The following PLSCR4 variants were observed in gnomAD, a reference collection of about 807,000 sequenced individuals.
PLSCR4 encodes the protein phospholipid scramblase 4.
In PLSCR4, 25 loss-of-function variants were observed where a neutral mutation model predicts 36.3. The observed-to-expected ratio is 0.69, with a 90% CI of 0.50 to 0.96. The LOEUF (loss-of-function observed/expected upper bound fraction) is 0.96. PLSCR4 is among the 40% of genes least tolerant of loss of function. PLSCR4 has a pLI of 0.00. For missense variants in PLSCR4, 408 were observed against 414.7 expected (o/e 0.98, Z 0.14); for synonymous variants, 122 against 132.9 (o/e 0.92, Z 0.56).
chr3:146,250,884 G>C (rs955183496), intron 1 of PLSCR4, 76 bp downstream of exon 1: 1 of 152,640 alleles, frequency 6.6e-6, no homozygotes. Flanking sequence ...CTCCCCTGAC[G>C]ACGCCCTCGG....
At position 146,195,175 on chromosome 3, in the gene PLSCR4, T is replaced by A. The variant is rs747645523; in HGVS notation, c.894A>T (p.Leu298=). ...DADHFDIHFP[L]DLDVKMKAMI... is the part of the protein sequence containing the mutation. ...TGGCTTTCATCTTCACATCCAGGTC[T>A]AGTGGGAAGTGAATGTCAAAATGGT... The change falls in exon 8 of 9, where the codon CTA becomes CTT. Residue 298 remains leucine, a synonymous_variant. Transcript: ENST00000354952. 1.2e-6 allele frequency: 2 copies of A among 1,613,784 alleles called. No homozygotes were observed. The highest frequency in any genetic ancestry group is 1.7e-6 in the Non-Finnish European group (2 of 1,179,722).
At chr3:146,233,251 T>C (rs1440845141) in intron 1 of PLSCR4, among the ~76,000 whole-genome samples, 1 of 152,120 alleles carries the variant, frequency 6.6e-6, no homozygotes, top group Admixed American at 6.6e-5. Flanking sequence ...CCCTGCTATG[T>C]AGAAATAACT....
At chr3:146,232,277 C>T (rs943311224) in intron 1 of PLSCR4, among the ~76,000 whole-genome samples, 10 of 152,140 alleles carry the variant, frequency 6.6e-5, no homozygotes, top group Admixed American at 3.3e-4. Flanking sequence ...GATAGTGTGA[C>T]GCCTCTGGCT....
intron 3 of PLSCR4, among the ~76,000 whole-genome samples, chr3:146,213,147 C>A (rs2903478): frequency 6.6e-6 from 1 of 151,744 alleles, no homozygotes; most frequent in Non-Finnish European, 1.5e-5. Context: ...TGAGAAAGTC[C>A]GATTCTATAT....
At chr3:146,237,953 TAAAG>T (rs1264938406) in intron 1 of PLSCR4, among the ~76,000 whole-genome samples, 4 of 150,966 alleles carry the variant, frequency 2.6e-5, no homozygotes. Flanking sequence ...GATACACTAA[TAAAG>T]AAAAAGAGAA....
intron 1 of PLSCR4, among the ~76,000 whole-genome samples, chr3:146,240,540 G>C (rs2036108717): frequency 1.3e-5 from 2 of 152,194 alleles, no homozygotes; most frequent in African/African-American, 4.8e-5. Context: ...AGGAGTTCGA[G>C]GCTGCACTGA....
chr3:146,203,778 G>C (rs997562213), intron 4 of PLSCR4, among the ~76,000 whole-genome samples: 6 of 151,940 alleles, frequency 3.9e-5, no homozygotes, highest in Non-Finnish European at 7.4e-5. Flanking sequence ...GTTGTGACTG[G>C]TTTGATCTTC....
chr3:146,192,974 A>C lies in PLSCR4; in HGVS notation c.*1437T>G, dbSNP rs1175702526. 1 of 152,062 alleles carries C rather than the reference A, an allele frequency of 6.6e-6. No homozygotes were observed. Among genetic ancestry groups the C allele is most frequent in the Non-Finnish European group, 1.5e-5 (1 of 67,958 alleles). The allele number at this position is 152,062 out of a possible 1,614,324, so 9.4% of individuals were successfully genotyped here. Reference sequence around the variant, plus strand: ...AAGACCCTCATCTCAGAATAACCCCATCTAAGAACACTCAGGCTTTCTTTA... The same window carrying C: ...AAGACCCTCATCTCAGAATAACCCCCTCTAAGAACACTCAGGCTTTCTTTA... On this transcript the variant is annotated 3_prime_UTR_variant, in exon 9 of 9. Transcript: ENST00000354952.
chr3:146,206,005 G>A (rs1405655408), intron 4 of PLSCR4, among the ~76,000 whole-genome samples: 1 of 152,022 alleles, frequency 6.6e-6, no homozygotes, highest in Non-Finnish European at 1.5e-5. Flanking sequence ...TATGAAGGGG[G>A]TCTCTGGAAC....
chr3:146,235,471 T>C (rs1322056279), intron 1 of PLSCR4, among the ~76,000 whole-genome samples: 1 of 152,182 alleles, frequency 6.6e-6, no homozygotes, highest in Non-Finnish European at 1.5e-5. Context: ...TCATGCTTCC[T>C]GTACAGCTTG....
At chr3:146,239,905 T>G (rs2107846127) in intron 1 of PLSCR4, among the ~76,000 whole-genome samples, 1 of 151,820 alleles carries the variant, frequency 6.6e-6, no homozygotes, top group South Asian at 2.1e-4. Flanking sequence ...AAAAAAATAC[T>G]TAAATGCAAA....
intron 6 of PLSCR4, among the ~76,000 whole-genome samples, chr3:146,198,659 A>G (rs2033875395): frequency 1.3e-5 from 2 of 152,056 alleles, no homozygotes. Flanking sequence ...CTCCCACCTC[A>G]GCCTCTCAAA....
At chr3:146,232,537 C>T (rs7614839) in intron 1 of PLSCR4, among the ~76,000 whole-genome samples, 8,727 of 152,138 alleles carry the variant, frequency 0.057, 278 homozygotes, top group African/African-American at 0.082. Flanking sequence ...TTGTAATTCT[C>T]ACTGTAGAAA....
At chr3:146,230,353 A>G (rs1244463011) in intron 1 of PLSCR4, among the ~76,000 whole-genome samples, 1 of 152,168 alleles carries the variant, frequency 6.6e-6, no homozygotes, top group Non-Finnish European at 1.5e-5. Context: ...CAAAATAACT[A>G]TTCTTAAAAT....
rs1454578403 is a variant in PLSCR4 at position 146,236,847 on chromosome 3, AAAGAG to A, written c.-22+14108_-22+14112del. 2.0e-5 allele frequency among the ~76,000 whole-genome samples: 3 copies of A among 152,352 alleles called. No individual in the cohort carries two copies. In the East Asian group the frequency reaches 5.8e-4, roughly 29 times the overall value. On this transcript the variant is annotated intron_variant, in intron 1 of 8. Transcript: ENST00000354952. ...TGAAATGATAAGGTAGAGAAAGATGAAAGAGAAAAGGGTTAAAGAAGAAAGGCTAA... is the reference window on the plus strand; with the variant it reads ...TGAAATGATAAGGTAGAGAAAGATGAAAAAGGGTTAAAGAAGAAAGGCTAA...
chr3:146,235,936 A>C (rs1576492458), intron 1 of PLSCR4, among the ~76,000 whole-genome samples: 1 of 152,232 alleles, frequency 6.6e-6, no homozygotes, highest in South Asian at 2.1e-4. Context: ...CTAGCAGAAG[A>C]AATTTCTAAG....
intron 1 of PLSCR4, 124 bp from the exon 2 acceptor site, chr3:146,222,216 CATTA>C: frequency 2.6e-6 from 1 of 387,232 alleles, no homozygotes; most frequent in South Asian, 6.3e-5. Context: ...TTTGTCCCTT[CATTA>C]ATTAAAAAAA....
intron 1 of PLSCR4, among the ~76,000 whole-genome samples, chr3:146,236,616 T>C (rs1576493257): frequency 6.6e-6 from 1 of 152,274 alleles, no homozygotes; most frequent in East Asian, 1.9e-4. Flanking sequence ...GCTCTTCTCT[T>C]GGCCTGCCAC....
intron 1 of PLSCR4, among the ~76,000 whole-genome samples, chr3:146,227,716 T>C (rs72991486): frequency 0.11 from 16,843 of 152,136 alleles, 2,663 homozygotes; most frequent in African/African-American, 0.35. Context: ...AAGCAGCATA[T>C]GCATTCTAAA....
Sources: gnomAD v4.1 joint callset for allele counts (sites outside exome capture counted in the v4.1 genomes callset) on GRCh38, gnomAD v4.1.1 for gene constraint, MANE v1.5 for transcripts, NCBI Gene and HGNC (gene_info 2026-07-23, HGNC 2026-07-21) for gene names.